The following GLIS3 variants were observed in gnomAD, a reference collection of about 807,000 sequenced individuals.
GLIS3 encodes the protein zinc finger protein GLIS3.
GLIS3 carries 53 observed loss-of-function variants against 78.6 expected under a neutral mutation model. That is an observed-to-expected ratio of 0.67 (90% CI 0.54 to 0.85). The LOEUF (loss-of-function observed/expected upper bound fraction) is 0.85, where lower values mean the gene tolerates loss of function less well. GLIS3 is among the 40% of genes least tolerant of loss of function. GLIS3 has a pLI of 0.00. For missense variants in GLIS3, 1,703 were observed against 1,231.1 expected, an observed-to-expected ratio of 1.38 and a Z score of -5.74; for synonymous variants, 684 against 509.9, an observed-to-expected ratio of 1.34 and a Z score of -4.60.
intron 3 of GLIS3, among the ~76,000 whole-genome samples, chr9:4,121,841 A>C (rs1457092850): frequency 6.6e-6 from 1 of 152,216 alleles, no homozygotes; most frequent in Non-Finnish European, 1.5e-5. Flanking sequence ...ATGGGCACCC[A>C]AATTTTCTGT....
rs1041918790 is a variant in GLIS3, at chr9:3,826,273, G to GT, written c.*1998dup. On this transcript the variant is annotated 3_prime_UTR_variant, in exon 11 of 11. Coordinates refer to ENST00000381971, the MANE Select transcript of GLIS3 (RefSeq NM_001042413.2). ...AGATGGTTTCTCTGAAGATAGCAGA[G>GT]TTTTTTTCTTTCCAGAGTATGACAA... 1 of 152,206 alleles carries GT rather than the reference G, an allele frequency of 6.6e-6. No individual in the cohort carries two copies. Among genetic ancestry groups the GT allele is most frequent in the African/African-American group, 2.4e-5 (1 of 41,442 alleles). 9.4% of individuals were successfully genotyped at this position (152,206 alleles called of 1,614,324 possible). A position where few individuals can be genotyped will look rare whatever the true frequency, so the allele number is the denominator to read the frequency against.
At chr9:4,088,364 T>C (rs1784539016) in intron 4 of GLIS3, among the ~76,000 whole-genome samples, 1 of 152,220 alleles carries the variant, frequency 6.6e-6, no homozygotes, top group Non-Finnish European at 1.5e-5. Context: ...GTGAATCCAA[T>C]AATTAAAGAA....
intron 9 of GLIS3, among the ~76,000 whole-genome samples, chr9:3,835,874 A>G (rs1164207218): frequency 3.3e-5 from 5 of 152,258 alleles, no homozygotes; most frequent in Non-Finnish European, 7.3e-5. Flanking sequence ...ATAGTGGTAA[A>G]TAAATCACAC....
At chr9:3,841,743 T>C (rs961872237) in intron 9 of GLIS3, among the ~76,000 whole-genome samples, 1 of 152,224 alleles carries the variant, frequency 6.6e-6, no homozygotes, top group Non-Finnish European at 1.5e-5. Context: ...TGCTAGTATA[T>C]ATGTATCCCT....
chr9:3,972,451 G>A (rs1232374469), intron 4 of GLIS3, among the ~76,000 whole-genome samples: 2 of 152,140 alleles, frequency 1.3e-5, no homozygotes, highest in Non-Finnish European at 2.9e-5. Context: ...TACAGATAAT[G>A]GGGTCCTCAT....
intron 7 of GLIS3, among the ~76,000 whole-genome samples, chr9:3,888,708 A>G (rs762817867): frequency 5.3e-5 from 8 of 152,086 alleles, no homozygotes; most frequent in Admixed American, 2.0e-4. Context: ...TCTGACCACA[A>G]TCTTCCATTT....
intron 2 of GLIS3, among the ~76,000 whole-genome samples, chr9:4,176,002 G>C (rs1195603581): frequency 6.6e-6 from 1 of 152,108 alleles, no homozygotes; most frequent in South Asian, 2.1e-4. Flanking sequence ...ATGTTGATGA[G>C]TCCTGATTGA....
the GLIS3 span, among the ~76,000 whole-genome samples, chr9:4,409,012 T>C: frequency 6.6e-6 from 1 of 151,898 alleles, no homozygotes; most frequent in Non-Finnish European, 1.5e-5. Flanking sequence ...ATTAAATATA[T>C]ATGTATATAT....
chr9:4,151,433 C>T (rs917563683), intron 2 of GLIS3, among the ~76,000 whole-genome samples: 2 of 152,214 alleles, frequency 1.3e-5, no homozygotes, highest in Admixed American at 1.3e-4. Context: ...AAATCTGCCA[C>T]TGAACCAACA....
intron 6 of GLIS3, among the ~76,000 whole-genome samples, chr9:3,902,627 C>G (rs1008465555): frequency 6.6e-6 from 1 of 152,122 alleles, no homozygotes; most frequent in Non-Finnish European, 1.5e-5. Flanking sequence ...TCACCTGCAG[C>G]GCCCCACCCC....
chr9:4,057,014 C>A (rs1826209550), intron 4 of GLIS3, among the ~76,000 whole-genome samples: 1 of 146,930 alleles, frequency 6.8e-6, no homozygotes, highest in Non-Finnish European at 1.5e-5. Context: ...AGTGCATTAT[C>A]TGCATGGCCT....
intron 7 of GLIS3, among the ~76,000 whole-genome samples, chr9:3,890,609 G>C (rs1449457862): frequency 6.6e-6 from 1 of 151,992 alleles, no homozygotes; most frequent in African/African-American, 2.4e-5. Flanking sequence ...TATGGAGTCA[G>C]TATTATTATT....
At chr9:4,418,945 G>T in the GLIS3 span, among the ~76,000 whole-genome samples, 1 of 152,190 alleles carries the variant, frequency 6.6e-6, no homozygotes, top group African/African-American at 2.4e-5. Context: ...ACTGTGAAGT[G>T]CAATCAACTC....
At chr9:3,879,907 C>T (rs558980161) in intron 7 of GLIS3, among the ~76,000 whole-genome samples, 1 of 152,124 alleles carries the variant, frequency 6.6e-6, no homozygotes, top group South Asian at 2.1e-4. Context: ...GCATCTGTGC[C>T]AAGGTCTCTG....
chr9:4,310,220 A>G (rs1400626271), intron 3 of GLIS3, among the ~76,000 whole-genome samples: 1 of 152,238 alleles, frequency 6.6e-6, no homozygotes, highest in Admixed American at 6.5e-5. Flanking sequence ...GGCAAGGGGT[A>G]GATGGGCCTT....
intron 4 of GLIS3, among the ~76,000 whole-genome samples, chr9:3,956,028 C>CAAAAAAAAAA (rs5896037): frequency 3.0e-4 from 26 of 87,574 alleles, no homozygotes; most frequent in East Asian, 7.9e-4. Flanking sequence ...CCAGATTCAG[C>CAAAAAAAAAA]AAAAAAAAAA....
the GLIS3 span, among the ~76,000 whole-genome samples, chr9:4,445,880 G>T: frequency 6.6e-6 from 1 of 152,188 alleles, no homozygotes; most frequent in Non-Finnish European, 1.5e-5. Context: ...ACTGGAAATG[G>T]ACCTGTGCCA....
intron 8 of GLIS3, among the ~76,000 whole-genome samples, chr9:3,875,251 G>A (rs1387203161): frequency 6.6e-6 from 1 of 152,222 alleles, no homozygotes; most frequent in Non-Finnish European, 1.5e-5. Context: ...AGGTGATGTA[G>A]TGTGCTGCTT....
intron 2 of GLIS3, among the ~76,000 whole-genome samples, chr9:4,208,576 G>A (rs1264566676): frequency 1.3e-5 from 2 of 152,184 alleles, no homozygotes; most frequent in African/African-American, 4.8e-5. Context: ...GGCCCGTTTG[G>A]GAGAGGGGAT....
Sources: allele counts gnomAD v4.1 joint callset (sites outside exome capture counted in the v4.1 genomes callset), GRCh38; gene constraint gnomAD v4.1.1; transcripts MANE v1.5; gene names NCBI Gene and HGNC (gene_info 2026-07-23, HGNC 2026-07-21).